Variants in HIPK3 observed in about 807,000 individuals in gnomAD.
The protein encoded by HIPK3 is homeodomain interacting protein kinase 3.
HIPK3 carries 47 observed loss-of-function variants against 124.2 expected under a neutral mutation model. The ratio of observed to expected loss-of-function variants is 0.38; its 90% CI spans 0.30 to 0.48. HIPK3 has a LOEUF of 0.48. Ranked by LOEUF, HIPK3 falls within the 20% of genes least tolerant of loss-of-function variation. The probability of loss-of-function intolerance (pLI) is 0.98; values close to 1 mark genes in which losing one functional copy is unlikely to be tolerated. For synonymous variants in HIPK3, 482 were observed against 515.2 expected, an observed-to-expected ratio of 0.94 and a Z score of 0.87; for missense variants, 1,286 against 1,454.3, an observed-to-expected ratio of 0.88 and a Z score of 1.88.
At chr11:33,352,450 T>G (rs903116971) in intron 16 of HIPK3, among the ~76,000 whole-genome samples, 185 bp downstream of exon 16, 2 of 152,224 alleles carry the variant, frequency 1.3e-5, no homozygotes, top group African/African-American at 4.8e-5. Context: ...CCATAGAACT[T>G]GTAGCCTTTT....
At chr11:33,282,184 C>G (rs1013039872) in intron 1 of HIPK3, among the ~76,000 whole-genome samples, 1 of 151,380 alleles carries the variant, frequency 6.6e-6, no homozygotes, top group Non-Finnish European at 1.5e-5. Context: ...CCCAGGAGTT[C>G]GAGACCAGCC....
rs1292645389 is a variant in HIPK3, at chr11:33,349,351, TTC to T, written c.2807+66_2807+67del. On this transcript the variant is annotated intron_variant, in intron 14 of 16. Transcript: ENST00000303296. ...GTCTACTAAAAAGCCTACGATTTCT[TTC>T]TGTTGTTTAATAAGTACCTGCCAGT... The T allele has an allele frequency of 2.9e-6, 4 of 1,372,148 alleles. No individual in the cohort carries two copies. In the African/African-American group the frequency reaches 4.3e-5, roughly 15 times the overall value. The allele number at this position is 1,372,148 out of a possible 1,614,324, so 85.0% of individuals were successfully genotyped here. A position where few individuals can be genotyped will look rare whatever the true frequency, so the allele number is the denominator to read the frequency against.
rs1205912417 is a variant in HIPK3, at chr11:33,355,204, G to T, written c.*1636G>T. On this transcript the variant is annotated 3_prime_UTR_variant, in exon 17 of 17. Transcript: ENST00000303296. ...TTACATGAATAGAAATTGGGGTTTT[G>T]ATTTTTTACTTTGCTTTTCTGTTTG... The T allele has an allele frequency of 6.6e-6, 1 of 151,912 alleles. No homozygotes were observed. Among genetic ancestry groups the T allele is most frequent in the Admixed American group, 6.6e-5 (1 of 15,258 alleles). 9.4% of individuals were successfully genotyped at this position (151,912 alleles called of 1,614,324 possible). A position where few individuals can be genotyped will look rare whatever the true frequency, so the allele number is the denominator to read the frequency against.
intron 1 of HIPK3, among the ~76,000 whole-genome samples, chr11:33,275,585 C>G (rs780469488): frequency 1.3e-5 from 2 of 151,920 alleles, no homozygotes; most frequent in Non-Finnish European, 2.9e-5. Context: ...ACTAGAAACT[C>G]CTTTTTACTG....
intron 2 of HIPK3, among the ~76,000 whole-genome samples, chr11:33,324,691 G>T (rs953649599): frequency 6.6e-6 from 1 of 152,180 alleles, no homozygotes; most frequent in Non-Finnish European, 1.5e-5. Flanking sequence ...CTAGAGTTGG[G>T]CTATTCTTGC....
At chr11:33,258,970 A>G (rs565351119) in intron 1 of HIPK3, among the ~76,000 whole-genome samples, 2 of 152,132 alleles carry the variant, frequency 1.3e-5, no homozygotes, top group Non-Finnish European at 2.9e-5. Context: ...GGTTGGCTCT[A>G]TTGTAAACTT....
intron 2 of HIPK3, among the ~76,000 whole-genome samples, chr11:33,312,393 T>C (rs895017547): frequency 7.9e-5 from 12 of 152,332 alleles, no homozygotes; most frequent in Admixed American, 2.6e-4. Flanking sequence ...CTTCTAGATA[T>C]AGAAGTTGAT....
In HIPK3 at chr11:33,336,741, A is replaced by G. The variant is rs568115926; in HGVS notation, c.1222-334A>G. ...TATTCTCTCTTGATTTTCTATATTTACACATACTATAACCTTGGCATAGTT... is the reference window on the plus strand; with the variant it reads ...TATTCTCTCTTGATTTTCTATATTTGCACATACTATAACCTTGGCATAGTT... On this transcript the variant is annotated intron_variant, in intron 3 of 16. Transcript: ENST00000303296. Among the ~76,000 whole-genome samples, 21 of 152,246 alleles carry G rather than the reference A, an allele frequency of 1.4e-4. No individual in the cohort carries two copies. The East Asian group carries it at 4.1e-3, about 29-fold the overall frequency.
intron 3 of HIPK3, among the ~76,000 whole-genome samples, chr11:33,333,668 G>A (rs1443068399): frequency 6.6e-6 from 1 of 152,082 alleles, no homozygotes; most frequent in Non-Finnish European, 1.5e-5. Context: ...ATTTTCACTG[G>A]CCACTTTTGT....
At chr11:33,309,553 G>A (rs1459570807) in intron 2 of HIPK3, among the ~76,000 whole-genome samples, 1 of 152,238 alleles carries the variant, frequency 6.6e-6, no homozygotes, top group African/African-American at 2.4e-5. Context: ...TAATCAGCAA[G>A]TGGCTGCTTG....
Position 33,353,374 on chromosome 11 carries a change from TATA to T in HIPK3, c.3458_3460del (p.Asn1153del). ...AAGACCTATGTTACAGCATCCAACT[TATA>T]ATATCTCCCATCCCAGTGGCATAGT... On this transcript the variant is annotated inframe_deletion, in exon 17 of 17. Coordinates refer to ENST00000303296, the MANE Select transcript of HIPK3 (RefSeq NM_005734.5). The T allele has an allele frequency of 6.2e-7, 1 of 1,614,136 alleles. No individual in the cohort carries two copies. Among genetic ancestry groups the T allele is most frequent in the East Asian group, 2.2e-5 (1 of 44,880 alleles).
intron 3 of HIPK3, among the ~76,000 whole-genome samples, chr11:33,330,538 A>G (rs1852946405): frequency 6.6e-6 from 1 of 152,198 alleles, no homozygotes; most frequent in South Asian, 2.1e-4. Context: ...CATGTTGGCC[A>G]GGCTGGTCTC....
intron 2 of HIPK3, among the ~76,000 whole-genome samples, chr11:33,289,243 C>T (rs182477215): frequency 1.3e-5 from 2 of 152,080 alleles, no homozygotes; most frequent in Admixed American, 6.5e-5. Flanking sequence ...AGTTTAAGAT[C>T]AGCCTGGGCA....
Position 33,339,543 on chromosome 11 carries a change from CT to C in HIPK3, c.1613+12del. The stretch of plus-strand genomic sequence containing the variant: ...TTCCCTCATAGCAACCAGTATGTTA[CT>C]TTAAGATCTTTTAAAGTGGTTCTAA... On this transcript the variant is annotated intron_variant, in intron 6 of 16. Coordinates refer to ENST00000303296, the MANE Select transcript of HIPK3 (RefSeq NM_005734.5). 1 of 1,542,616 alleles carries C rather than the reference CT, an allele frequency of 6.5e-7. No homozygotes were observed. Among genetic ancestry groups the C allele is most frequent in the Non-Finnish European group, 8.9e-7 (1 of 1,128,936 alleles).
At chr11:33,278,172 CTAATTT>C (rs985584316) in intron 1 of HIPK3, among the ~76,000 whole-genome samples, 16 of 152,186 alleles carry the variant, frequency 1.1e-4, no homozygotes, top group African/African-American at 3.4e-4. Flanking sequence ...AAAAATATAA[CTAATTT>C]TAAACTAAAA....
At chr11:33,342,902 C>G (rs1853378590) in intron 8 of HIPK3, among the ~76,000 whole-genome samples, 1 of 152,160 alleles carries the variant, frequency 6.6e-6, no homozygotes, top group African/African-American at 2.4e-5. Context: ...ATCATAGCAG[C>G]AAACCTCACT....
At chr11:33,334,401 C>G (rs1016398715) in intron 3 of HIPK3, among the ~76,000 whole-genome samples, 1 of 151,850 alleles carries the variant, frequency 6.6e-6, no homozygotes, top group Non-Finnish European at 1.5e-5. Flanking sequence ...AGTTCGAGAA[C>G]AATATAGGAA....
intron 1 of HIPK3, among the ~76,000 whole-genome samples, chr11:33,281,195 G>A (rs1282195534): frequency 6.0e-5 from 9 of 150,548 alleles, no homozygotes; most frequent in South Asian, 2.1e-4. Flanking sequence ...TCAGCCTCCC[G>A]AGTAGCTGGG....
At chr11:33,342,533 C>T (rs1853365617) in intron 8 of HIPK3, among the ~76,000 whole-genome samples, 1 of 141,346 alleles carries the variant, frequency 7.1e-6, no homozygotes, top group Non-Finnish European at 1.5e-5. Context: ...TTTGAAGAGG[C>T]TATACATTCT....
Sources: gnomAD v4.1 joint callset for allele counts (sites outside exome capture counted in the v4.1 genomes callset) on GRCh38, gnomAD v4.1.1 for gene constraint, MANE v1.5 for transcripts, NCBI Gene and HGNC (gene_info 2026-07-23, HGNC 2026-07-21) for gene names.